The following CLNK variants were observed in gnomAD, a reference collection of about 807,000 sequenced individuals.
CLNK encodes cytokine dependent hematopoietic cell linker.
Under a neutral mutation model 68.6 loss-of-function variants are expected in CLNK, and 74 were observed. The ratio of observed to expected loss-of-function variants is 1.08; its 90% confidence interval spans 0.89 to 1.31. The LOEUF (loss-of-function observed/expected upper bound fraction) is 1.31. CLNK is among the 50% of genes most tolerant of loss of function. CLNK has a pLI of 0.00. For synonymous variants in CLNK, 198 were observed against 172.2 expected, an observed-to-expected ratio of 1.15 and a Z score of -1.17; for missense variants, 553 against 515.3, an observed-to-expected ratio of 1.07 and a Z score of -0.71.
chr4:10,728,602 TTC>T, the CLNK span, among the ~76,000 whole-genome samples: 83 of 79,010 alleles, frequency 1.1e-3, 1 homozygote, highest in Middle Eastern at 7.5e-3. Flanking sequence ...CTTTCTTTCT[TTC>T]TTTTTTTTTT....
At chr4:10,629,755 G>A (rs532005041) in intron 2 of CLNK, among the ~76,000 whole-genome samples, 1 of 152,028 alleles carries the variant, frequency 6.6e-6, no homozygotes, top group East Asian at 1.9e-4. Flanking sequence ...GTGAAGTTCA[G>A]GGGGGAAGGC....
Position 10,566,010 on chromosome 4 carries a change from T to C in CLNK, c.291A>G (p.Ala97=), listed in dbSNP as rs1560219093. 1 of 1,613,678 alleles carries C rather than the reference T, an allele frequency of 6.2e-7. No homozygotes were observed. Among genetic ancestry groups the C allele is most frequent in the Non-Finnish European group, 8.5e-7 (1 of 1,179,672 alleles). The part of the protein sequence containing the change: ...PARPIKESEY[A]DTHYFKVAMD... ...TTCAGGCAGACCCCCAAACGTTACC[T>C]GCATATTCAGATTCCTTTATAGGCC... The change falls in exon 6 of 19, where the codon GCA becomes GCG. Residue 97 remains alanine (A), a splice_region_variant and synonymous_variant. Transcript: ENST00000226951.
intron 17 of CLNK, among the ~76,000 whole-genome samples, chr4:10,506,894 G>T (rs1717318327): frequency 6.6e-6 from 1 of 151,998 alleles, no homozygotes; most frequent in Middle Eastern, 3.4e-3. Context: ...CTGCCTCCCG[G>T]GTTCACGCCA....
intron 4 of CLNK, among the ~76,000 whole-genome samples, chr4:10,580,636 T>TA (rs200604339): frequency 7.9e-4 from 118 of 149,574 alleles, no homozygotes; most frequent in African/African-American, 2.0e-3. Context: ...ATTTAAAAAG[T>TA]AAAAAAAAAT....
chr4:10,627,704 CT>C (rs962731806), intron 2 of CLNK, among the ~76,000 whole-genome samples: 10 of 152,170 alleles, frequency 6.6e-5, no homozygotes, highest in African/African-American at 2.4e-4. Flanking sequence ...TGTTTTAATC[CT>C]TTTTGGGAGG....
chr4:10,616,790 G>GTGTGTGTA (rs1369047138), intron 2 of CLNK, among the ~76,000 whole-genome samples: 7 of 64,360 alleles, frequency 1.1e-4, no homozygotes, highest in African/African-American at 2.9e-4. Context: ...GTGTGTGTGT[G>GTGTGTGTA]TATATATATA....
chr4:10,606,393 C>G (rs1042139339), intron 2 of CLNK, among the ~76,000 whole-genome samples: 1 of 152,000 alleles, frequency 6.6e-6, no homozygotes, highest in African/African-American at 2.4e-5. Context: ...TCCGGAATCC[C>G]TCCTCAAGAA....
chr4:10,723,908 G>GAC, the CLNK span, among the ~76,000 whole-genome samples: 1 of 151,932 alleles, frequency 6.6e-6, no homozygotes, highest in Admixed American at 6.6e-5. Flanking sequence ...GAGAGAGAGA[G>GAC]AGAGAGAGAG....
chr4:10,621,543 A>T (rs2108861347), intron 2 of CLNK, among the ~76,000 whole-genome samples: 1 of 152,304 alleles, frequency 6.6e-6, no homozygotes, highest in South Asian at 2.1e-4. Context: ...ATCCAATCAG[A>T]TCCAGTTAAG....
intron 5 of CLNK, among the ~76,000 whole-genome samples, chr4:10,568,798 C>G (rs1185571153): frequency 6.6e-6 from 1 of 152,180 alleles, no homozygotes; most frequent in African/African-American, 2.4e-5. Flanking sequence ...CTTGTGAGAC[C>G]CAGAACAGGG....
At chr4:10,601,273 C>T (rs1452411955) in intron 2 of CLNK, among the ~76,000 whole-genome samples, 1 of 152,024 alleles carries the variant, frequency 6.6e-6, no homozygotes, top group Non-Finnish European at 1.5e-5. Flanking sequence ...CAGCTGGAAG[C>T]AACTAAGGGA....
the CLNK span, among the ~76,000 whole-genome samples, chr4:10,695,307 A>G: frequency 3.3e-5 from 5 of 152,216 alleles, no homozygotes; most frequent in Admixed American, 2.6e-4. Flanking sequence ...TATATGGACA[A>G]TTATTATTTA....
At chr4:10,657,136 G>A (rs888419631) in intron 2 of CLNK, among the ~76,000 whole-genome samples, 1 of 152,140 alleles carries the variant, frequency 6.6e-6, no homozygotes, top group African/African-American at 2.4e-5. Flanking sequence ...AGAACTCATA[G>A]CTCGTAACTG....
At chr4:10,584,425 A>C (rs1332404952) in intron 4 of CLNK, among the ~76,000 whole-genome samples, 3 of 152,150 alleles carry the variant, frequency 2.0e-5, no homozygotes. Context: ...CCCAGTGAAT[A>C]CTACATGCTT....
At chr4:10,512,952 CAGTT>C (rs1035107556) in intron 16 of CLNK, among the ~76,000 whole-genome samples, 2 of 152,138 alleles carry the variant, frequency 1.3e-5, no homozygotes, top group South Asian at 2.1e-4. Flanking sequence ...CACAAGAACA[CAGTT>C]AGTATCCATT....
intron 1 of CLNK, among the ~76,000 whole-genome samples, chr4:10,681,585 G>A (rs1436090206): frequency 6.6e-6 from 1 of 152,154 alleles, no homozygotes; most frequent in Non-Finnish European, 1.5e-5. Flanking sequence ...ATGCATAAGT[G>A]TTTAGGAAGC....
chr4:10,641,229 G>A (rs1723296538), intron 2 of CLNK, among the ~76,000 whole-genome samples: 1 of 152,176 alleles, frequency 6.6e-6, no homozygotes, highest in African/African-American at 2.4e-5. Flanking sequence ...GGGTTTCACA[G>A]GCCTCCTGGG....
At chr4:10,543,388 C>A (rs1453308592) in intron 8 of CLNK, among the ~76,000 whole-genome samples, 1 of 152,146 alleles carries the variant, frequency 6.6e-6, no homozygotes, top group Non-Finnish European at 1.5e-5. Flanking sequence ...ACTTAAACCT[C>A]CACTGAACAC....
intron 2 of CLNK, among the ~76,000 whole-genome samples, chr4:10,612,310 C>T (rs1722061801): frequency 1.3e-5 from 2 of 152,348 alleles, no homozygotes; most frequent in South Asian, 2.1e-4. Context: ...ACATCATGGT[C>T]CTGAGAAAGA....
Sources: gnomAD v4.1 joint callset for allele counts (sites outside exome capture counted in the v4.1 genomes callset) on GRCh38, gnomAD v4.1.1 for gene constraint, MANE v1.5 for transcripts, NCBI Gene and HGNC (gene_info 2026-07-23, HGNC 2026-07-21) for gene names.